Variants in ROBO2 observed in about 807,000 individuals in gnomAD.
The protein encoded by ROBO2 is roundabout homolog 2.
ROBO2 carries 53 observed loss-of-function variants against 160.8 expected under a neutral mutation model. The ratio of observed to expected loss-of-function variants is 0.33; its 90% confidence interval spans 0.26 to 0.41. The LOEUF (loss-of-function observed/expected upper bound fraction) is 0.41. Among genes scored for constraint, ROBO2 ranks in the 10% least tolerant of loss-of-function variants. The pLI, the probability that ROBO2 is intolerant of heterozygous loss-of-function variation, is 1.00. For missense variants in ROBO2, 1,577 were observed against 1,722.4 expected (o/e 0.92, Z 1.49); for synonymous variants, 664 against 611.7 (o/e 1.09, Z -1.26).
chr3:76,288,057 T>A (rs182240278), intron 2 of ROBO2, among the ~76,000 whole-genome samples: 24 of 152,338 alleles, frequency 1.6e-4, no homozygotes, highest in African/African-American at 5.8e-4. Context: ...GTGAGATTAT[T>A]TTTTTCTAAG....
Position 76,472,990 on chromosome 3 carries a change from C to T in ROBO2, c.109+535388C>T, listed in dbSNP as rs181996323. Among the ~76,000 whole-genome samples, 4 of 151,876 alleles carry T rather than the reference C, an allele frequency of 2.6e-5. No homozygotes were observed. The East Asian group carries it at 5.8e-4, about 22-fold the overall frequency. On this transcript the variant is annotated intron_variant, in intron 2 of 26. Coordinates refer to the ROBO2 transcript ENST00000487694. ...TCGAGAAGACTATCAGTGGTGTTTA[C>T]GCATCCAAAAATGCAATTTTTTTAT...
intron 5 of ROBO2, among the ~76,000 whole-genome samples, chr3:77,507,048 A>C (rs950504992): frequency 1.2e-4 from 18 of 152,160 alleles, no homozygotes; most frequent in African/African-American, 3.9e-4. Flanking sequence ...TTCCTTGCAC[A>C]TCAGATAGTT....
intron 2 of ROBO2, among the ~76,000 whole-genome samples, chr3:76,024,802 T>C (rs1350491049): frequency 6.6e-6 from 1 of 151,600 alleles, no homozygotes; most frequent in Non-Finnish European, 1.5e-5. Context: ...CCTCTTTGTA[T>C]TGGTGAAATA....
chr3:76,142,253 A>G (rs995792367), intron 2 of ROBO2, among the ~76,000 whole-genome samples: 25 of 152,036 alleles, frequency 1.6e-4, no homozygotes, highest in African/African-American at 5.8e-4. Flanking sequence ...GGAGAACAGT[A>G]TGGAGGTTCC....
intron 2 of ROBO2, among the ~76,000 whole-genome samples, chr3:76,874,595 T>C (rs1215389493): frequency 6.6e-6 from 1 of 152,162 alleles, no homozygotes; most frequent in Non-Finnish European, 1.5e-5. Context: ...TATCAAAGAC[T>C]CAGGGGTGAG....
At chr3:76,993,507 G>A (rs1308151442) in intron 2 of ROBO2, among the ~76,000 whole-genome samples, 1 of 152,042 alleles carries the variant, frequency 6.6e-6, no homozygotes, top group Non-Finnish European at 1.5e-5. Context: ...ATTCTTCCAA[G>A]TAAAGATTGG....
intron 2 of ROBO2, among the ~76,000 whole-genome samples, chr3:76,744,333 TTCC>T (rs1052093811): frequency 6.6e-6 from 1 of 150,876 alleles, no homozygotes; most frequent in African/African-American, 2.4e-5. Context: ...TTCTCTTTCT[TTCC>T]TCCTCCTCCT....
At chr3:76,845,758 T>A (rs1204409505) in intron 2 of ROBO2, among the ~76,000 whole-genome samples, 1 of 152,058 alleles carries the variant, frequency 6.6e-6, no homozygotes, top group Non-Finnish European at 1.5e-5. Context: ...AAAATCAACA[T>A]GGTAACCTTC....
intron 2 of ROBO2, among the ~76,000 whole-genome samples, chr3:77,423,252 G>T (rs2077876031): frequency 6.6e-6 from 1 of 152,078 alleles, no homozygotes; most frequent in Non-Finnish European, 1.5e-5. Flanking sequence ...AAGACTAGAT[G>T]AATTACTATG....
chr3:76,748,710 G>A (rs2093932672), intron 2 of ROBO2, among the ~76,000 whole-genome samples: 1 of 151,778 alleles, frequency 6.6e-6, no homozygotes, highest in Admixed American at 6.6e-5. Flanking sequence ...GTTAATAAGG[G>A]CATGAGAAAT....
intron 2 of ROBO2, among the ~76,000 whole-genome samples, chr3:76,984,633 A>G (rs1203011861): frequency 6.6e-6 from 1 of 152,132 alleles, no homozygotes; most frequent in Admixed American, 6.5e-5. Context: ...ATACATGGAA[A>G]CGTGGTGGGA....
intron 2 of ROBO2, among the ~76,000 whole-genome samples, chr3:76,489,871 T>C (rs2079719279): frequency 6.6e-6 from 1 of 152,114 alleles, no homozygotes; most frequent in African/African-American, 2.4e-5. Flanking sequence ...AAAGAAAATA[T>C]ACCTGAAAAC....
At position 76,898,127 on chromosome 3, in the gene ROBO2, G is replaced by T. The variant is rs144341377; in HGVS notation, c.110-199887G>T. Among the ~76,000 whole-genome samples, 404 of 152,164 alleles carry T rather than the reference G, an allele frequency of 2.7e-3. 2 individuals are homozygous for T. The highest frequency in any genetic ancestry group is 9.2e-3 in the African/African-American group (381 of 41,532). On this transcript the variant is annotated intron_variant, in intron 2 of 26. Transcript: ENST00000487694. ...ACAATAGCAGCTATTACATATTGAT[G>T]ATTGCTTTGGTGCACTTTATTATTT...
chr3:76,624,199 T>A (rs2089444547), intron 2 of ROBO2, among the ~76,000 whole-genome samples: 1 of 152,190 alleles, frequency 6.6e-6, no homozygotes, highest in Non-Finnish European at 1.5e-5. Flanking sequence ...TGTCATAAAT[T>A]GCAACAAAGA....
At chr3:77,448,585 A>G (rs1051510419) in intron 2 of ROBO2, among the ~76,000 whole-genome samples, 3 of 143,044 alleles carry the variant, frequency 2.1e-5, no homozygotes, top group Non-Finnish European at 4.6e-5. Flanking sequence ...TAATGGATAC[A>G]CCTTTTATTA....
At chr3:76,946,297 T>C (rs900282887) in intron 2 of ROBO2, among the ~76,000 whole-genome samples, 1 of 152,302 alleles carries the variant, frequency 6.6e-6, no homozygotes, top group African/African-American at 2.4e-5. Flanking sequence ...TTAATCCATT[T>C]AGGTGGTTCT....
chr3:76,735,786 A>AAGGGGG (rs1553886639), intron 2 of ROBO2, among the ~76,000 whole-genome samples: 2 of 126,598 alleles, frequency 1.6e-5, no homozygotes, highest in South Asian at 2.5e-4. Context: ...GAAAAAAAAA[A>AAGGGGG]GGGGAAAGGG....
At chr3:77,082,998 A>G (rs993325418) in intron 1 of ROBO2, among the ~76,000 whole-genome samples, 4 of 152,168 alleles carry the variant, frequency 2.6e-5, no homozygotes, top group African/African-American at 9.7e-5. Context: ...CAGTTGGCCC[A>G]TGGACCTGAT....
chr3:76,526,215 G>A (rs963612162), intron 2 of ROBO2, among the ~76,000 whole-genome samples: 7 of 152,004 alleles, frequency 4.6e-5, no homozygotes. Context: ...AAGCATAGCG[G>A]GGCCAGGGTT....
Sources: allele counts gnomAD v4.1 joint callset (sites outside exome capture counted in the v4.1 genomes callset), GRCh38; gene constraint gnomAD v4.1.1; transcripts MANE v1.5; gene names NCBI Gene and HGNC (gene_info 2026-07-23, HGNC 2026-07-21).